Variants in FBLN2 observed in about 807,000 individuals in gnomAD.
FBLN2 encodes fibulin-2.
A neutral mutation model predicts 123.7 loss-of-function variants in FBLN2; 81 were observed. The ratio of observed to expected loss-of-function variants is 0.65; its 90% CI spans 0.55 to 0.79. The LOEUF is 0.79. FBLN2 is among the 30% of genes least tolerant of loss of function. The pLI is 0.00. For synonymous variants in FBLN2, 699 were observed against 701.4 expected (o/e 1.00, Z 0.05); for missense variants, 1,603 against 1,681.3 (o/e 0.95, Z 0.81).
chr3:13,560,759 C>A (rs1703581768), intron 1 of FBLN2, among the ~76,000 whole-genome samples: 1 of 152,138 alleles, frequency 6.6e-6, no homozygotes, highest in African/African-American at 2.4e-5. Context: ...GCTTTTGTTT[C>A]CTTTTTCTGG....
intron 8 of FBLN2, among the ~76,000 whole-genome samples, chr3:13,621,563 G>T (rs1046744862): frequency 5.3e-5 from 8 of 152,236 alleles, no homozygotes; most frequent in Non-Finnish European, 1.2e-4. Flanking sequence ...CCCTCTCTGA[G>T]TCTCACCTCA....
chr3:13,619,866 A>G (rs776424092), intron 8 of FBLN2, 35 bp downstream of exon 8: 1 of 1,561,240 alleles, frequency 6.4e-7, no homozygotes, highest in Non-Finnish European at 8.7e-7. Flanking sequence ...ACCTGTGCAA[A>G]CCTGAGTTGG....
At position 13,629,258 on chromosome 3, in the gene FBLN2, C is replaced by T; in HGVS notation, c.2808C>T (p.Gly936=). 1 of 1,612,472 alleles carries T rather than the reference C, an allele frequency of 6.2e-7. No individual in the cohort carries two copies. Among genetic ancestry groups the T allele is most frequent in the Non-Finnish European group, 8.5e-7 (1 of 1,179,502 alleles). ...PGSYRCDCKA[G]FQRDAFGRGC... ...CCTACCGCTGTGACTGCAAAGCCGG[C>T]TTTCAGCGGGATGCCTTTGGCCGGG... The change falls in exon 13 of 18, where the codon GGC becomes GGT. Residue 936 remains glycine, a synonymous_variant. Coordinates refer to ENST00000404922, the MANE Select transcript of FBLN2 (RefSeq NM_001004019.2).
chr3:13,607,838 A>T (rs1014971116), intron 2 of FBLN2, among the ~76,000 whole-genome samples: 3 of 152,040 alleles, frequency 2.0e-5, no homozygotes, highest in South Asian at 2.1e-4. Context: ...GCCCCATGTT[A>T]ACCTGTTATG....
chr3:13,596,233 G>A (rs1446693686), intron 2 of FBLN2, among the ~76,000 whole-genome samples: 2 of 152,170 alleles, frequency 1.3e-5, no homozygotes, highest in Non-Finnish European at 2.9e-5. Flanking sequence ...GACCTCCTGG[G>A]CTCAAGGCAT....
At chr3:13,622,041 C>A in intron 9 of FBLN2, 126 bp downstream of exon 9, 2 of 1,128,014 alleles carry the variant, frequency 1.8e-6, no homozygotes, top group Non-Finnish European at 2.5e-6. Flanking sequence ...GCACAGCCGG[C>A]ATCTCCGTGC....
At chr3:13,576,085 T>C (rs1184073940) in intron 2 of FBLN2, among the ~76,000 whole-genome samples, 1 of 152,208 alleles carries the variant, frequency 6.6e-6, no homozygotes, top group Non-Finnish European at 1.5e-5. Context: ...CCGGTAGGCC[T>C]GGAGGAACCC....
intron 2 of FBLN2, among the ~76,000 whole-genome samples, chr3:13,603,367 C>G (rs1705101374): frequency 1.3e-5 from 2 of 151,010 alleles, no homozygotes; most frequent in South Asian, 4.2e-4. Context: ...AGGTATTTCT[C>G]CTAATGCTAT....
At position 13,571,227 on chromosome 3, in the gene FBLN2, C is replaced by A. The variant is rs867300058; in HGVS notation, c.872C>A (p.Ala291Asp). 1 of 1,569,726 alleles carries A rather than the reference C, an allele frequency of 6.4e-7. No homozygotes were observed. The highest frequency in any genetic ancestry group is 8.6e-7 in the Non-Finnish European group (1 of 1,157,810). ...GAGGAGGAGGAGAGAGAGGAAATGGCTGTCACTGAGCAGCTGGCAGCAGGT... is the reference window on the plus strand; with the variant it reads ...GAGGAGGAGGAGAGAGAGGAAATGGATGTCACTGAGCAGCTGGCAGCAGGT... ...EEEEEEREEM[A>D]VTEQLAAGGH... The change falls in exon 2 of 18, where the codon GCT becomes GAT. Residue 291 changes from alanine to aspartate, a missense_variant. Coordinates refer to ENST00000404922, the MANE Select transcript of FBLN2 (RefSeq NM_001004019.2).
intron 1 of FBLN2, among the ~76,000 whole-genome samples, chr3:13,562,341 G>A (rs951380628): frequency 6.7e-6 from 1 of 149,950 alleles, no homozygotes; most frequent in African/African-American, 2.5e-5. Context: ...TAAAATATAC[G>A]TAACATGAAG....
chr3:13,609,965 A>G (rs1705335880), intron 4 of FBLN2, among the ~76,000 whole-genome samples: 1 of 152,238 alleles, frequency 6.6e-6, no homozygotes, highest in South Asian at 2.1e-4. Context: ...GAAGATCACG[A>G]TGAATATTTT....
At chr3:13,571,888 G>T (rs1008331876) in intron 2 of FBLN2, among the ~76,000 whole-genome samples, 1 of 152,130 alleles carries the variant, frequency 6.6e-6, no homozygotes, top group African/African-American at 2.4e-5. Context: ...GGTTCCTGTT[G>T]TGGGAGGTGC....
rs1447988611 is a variant in FBLN2, at chr3:13,629,213, G to C, written c.2763G>C (p.Val921=). ...TGCACCGCTGCGGTGAGGGCCAAGT[G>C]TGCCACAACCTCCCTGGCTCCTACC... is the stretch of plus-strand genomic sequence containing the variant. The part of the protein sequence containing the change: ...TGVHRCGEGQ[V]CHNLPGSYRC... Residue 921 remains valine, a synonymous_variant, in exon 13 of 18, where the codon GTG becomes GTC. Coordinates refer to ENST00000404922, the MANE Select transcript of FBLN2 (RefSeq NM_001004019.2). 1 of 1,613,238 alleles carries C rather than the reference G, an allele frequency of 6.2e-7. No individual in the cohort carries two copies. Among genetic ancestry groups the C allele is most frequent in the African/African-American group, 1.3e-5 (1 of 74,928 alleles).
At chr3:13,594,277 C>G (rs549997982) in intron 2 of FBLN2, among the ~76,000 whole-genome samples, 1 of 152,104 alleles carries the variant, frequency 6.6e-6, no homozygotes, top group Non-Finnish European at 1.5e-5. Context: ...GACCCACTTG[C>G]CCGGGCTTGA....
intron 9 of FBLN2, among the ~76,000 whole-genome samples, chr3:13,625,643 A>G (rs1168246704): frequency 1.3e-5 from 2 of 151,690 alleles, no homozygotes; most frequent in East Asian, 3.9e-4. Flanking sequence ...CATCTCATCC[A>G]TCAGTGGGTT....
chr3:13,601,382 C>T (rs897976298), intron 2 of FBLN2, among the ~76,000 whole-genome samples: 1 of 152,236 alleles, frequency 6.6e-6, no homozygotes, highest in African/African-American at 2.4e-5. Context: ...TAAGGAGAGT[C>T]TCCCACATGC....
chr3:13,628,102 A>G, intron 11 of FBLN2, 133 bp downstream of exon 11: 2 of 1,165,286 alleles, frequency 1.7e-6, no homozygotes, highest in Non-Finnish European at 2.4e-6. Flanking sequence ...CCTTGTCCCT[A>G]CCTGTGAATG....
intron 2 of FBLN2, among the ~76,000 whole-genome samples, chr3:13,593,053 C>T (rs1454653723): frequency 6.6e-6 from 1 of 152,238 alleles, no homozygotes; most frequent in African/African-American, 2.4e-5. Context: ...TTGGATTTCA[C>T]ATGTGCCATA....
chr3:13,565,628 G>T (rs187177533), intron 1 of FBLN2, among the ~76,000 whole-genome samples: 1 of 152,232 alleles, frequency 6.6e-6, no homozygotes, highest in African/African-American at 2.4e-5. Flanking sequence ...TATATGTTAC[G>T]CACATGATAC....
Sources: allele counts gnomAD v4.1 joint callset (sites outside exome capture counted in the v4.1 genomes callset), GRCh38; gene constraint gnomAD v4.1.1; transcripts MANE v1.5; gene names NCBI Gene and HGNC (gene_info 2026-07-23, HGNC 2026-07-21).